Variants in PRICKLE2 observed in about 807,000 individuals in gnomAD.
PRICKLE2 encodes prickle planar cell polarity protein 2, also known as prickle-like protein 2.
In PRICKLE2, 21 loss-of-function variants were observed where a neutral mutation model predicts 81.4. That is an observed-to-expected ratio of 0.26 (90% CI 0.18 to 0.37). The LOEUF (loss-of-function observed/expected upper bound fraction) is 0.37. Ranked by LOEUF, PRICKLE2 falls within the 10% of genes least tolerant of loss-of-function variation. The probability of loss-of-function intolerance (pLI) is 1.00; values close to 1 mark genes in which losing one functional copy is unlikely to be tolerated. For synonymous variants in PRICKLE2, 456 were observed against 421.5 expected (o/e 1.08, Z -1.00); for missense variants, 940 against 1,109.0 (o/e 0.85, Z 2.16).
intron 2 of PRICKLE2, among the ~76,000 whole-genome samples, chr3:64,236,515 T>A (rs2079181714): frequency 6.6e-6 from 1 of 152,202 alleles, no homozygotes; most frequent in South Asian, 2.1e-4. Context: ...AAAAAGAGAA[T>A]GAGGAATGTA....
intron 6 of PRICKLE2, among the ~76,000 whole-genome samples, chr3:64,151,718 A>G (rs906070609): frequency 3.9e-5 from 6 of 152,020 alleles, no homozygotes; most frequent in African/African-American, 1.2e-4. Context: ...ACACTGTCCT[A>G]CCTCTCCCCT....
rs551880617 is a variant in PRICKLE2, at chr3:64,092,475, AG to A, written c.*6575del. 32 of 151,576 alleles carry A rather than the reference AG, an allele frequency of 2.1e-4. No homozygotes were observed. Among genetic ancestry groups the A allele is most frequent in the Admixed American group, 2.0e-3 (30 of 15,262 alleles). 9.4% of individuals were successfully genotyped at this position (151,576 alleles called of 1,614,324 possible). A position where few individuals can be genotyped will look rare whatever the true frequency, so the allele number is the denominator to read the frequency against. The stretch of plus-strand genomic sequence containing the variant: ...CCTAGAACGGTTCCTGGCTAGAGAA[AG>A]CCTTTTGATAAATATTTGTTGAATG... On this transcript the variant is annotated 3_prime_UTR_variant, in exon 8 of 8. Transcript: ENST00000638394.
At position 64,224,929 on chromosome 3, in the gene PRICKLE2, C is replaced by T. The variant is rs1341715719; in HGVS notation, c.-60G>A. 3.0e-6 allele frequency: 3 copies of T among 985,102 alleles called. No homozygotes were observed. In the African/African-American group the frequency reaches 5.3e-5, roughly 17 times the overall value. 61.0% of individuals were successfully genotyped at this position (985,102 alleles called of 1,614,324 possible). A position where few individuals can be genotyped will look rare whatever the true frequency, so the allele number is the denominator to read the frequency against. On this transcript the variant is annotated 5_prime_UTR_variant, in exon 1 of 8. Coordinates refer to ENST00000638394, the MANE Select transcript of PRICKLE2 (RefSeq NM_198859.4). ...ACCCACCTCCAGGGAGGATGAAATG[C>T]CCAGTCTCGGAGGAAGCTTCTGCCA... is the stretch of plus-strand genomic sequence containing the variant.
chr3:64,248,324 A>C (rs2079390628), intron 2 of PRICKLE2, among the ~76,000 whole-genome samples: 1 of 152,214 alleles, frequency 6.6e-6, no homozygotes, highest in Admixed American at 6.5e-5. Flanking sequence ...TAGGCAAAAA[A>C]ACAAAAACTT....
intron 7 of PRICKLE2, among the ~76,000 whole-genome samples, chr3:64,134,732 G>C (rs2077251921): frequency 6.7e-6 from 1 of 149,952 alleles, no homozygotes; most frequent in Admixed American, 6.6e-5. Context: ...TAGTGTTTGT[G>C]TATGAGTGTG....
chr3:64,229,660 T>C (rs1384803181), upstream of PRICKLE2, among the ~76,000 whole-genome samples: 2 of 152,220 alleles, frequency 1.3e-5, no homozygotes, highest in African/African-American at 4.8e-5. Flanking sequence ...CTTCTGGCCC[T>C]GCTATTGGGA....
chr3:64,098,928 C>G lies in PRICKLE2; in HGVS notation c.*123G>C. On this transcript the variant is annotated 3_prime_UTR_variant, in exon 8 of 8. Transcript: ENST00000638394. ...CTGTAACCTTGCCTCCATCTACTGACAGCATTTTCCCTTTTCTCCCCCATA... is the reference window on the plus strand; with the variant it reads ...CTGTAACCTTGCCTCCATCTACTGAGAGCATTTTCCCTTTTCTCCCCCATA... 2.7e-6 allele frequency: 3 copies of G among 1,098,924 alleles called. No homozygotes were observed. The Admixed American group carries it at 5.2e-5, about 19-fold the overall frequency. 68.1% of individuals were successfully genotyped at this position (1,098,924 alleles called of 1,614,324 possible).
At chr3:64,165,863 A>T (rs1174583650) in intron 2 of PRICKLE2, among the ~76,000 whole-genome samples, 1 of 152,170 alleles carries the variant, frequency 6.6e-6, no homozygotes, top group Non-Finnish European at 1.5e-5. Context: ...CAAACCCTGA[A>T]GCCACTTATA....
At chr3:64,130,925 T>C (rs1363287356) in intron 7 of PRICKLE2, among the ~76,000 whole-genome samples, 4 of 152,164 alleles carry the variant, frequency 2.6e-5, no homozygotes, top group African/African-American at 9.7e-5. Context: ...GGGTACCCAA[T>C]CTAATTCTCT....
At chr3:64,171,242 A>G (rs952642553) in intron 2 of PRICKLE2, among the ~76,000 whole-genome samples, 1 of 152,134 alleles carries the variant, frequency 6.6e-6, no homozygotes, top group East Asian at 1.9e-4. Flanking sequence ...TCTATCCCTT[A>G]TCTTCCAACC....
intron 7 of PRICKLE2, among the ~76,000 whole-genome samples, chr3:64,121,209 G>C (rs2077021577): frequency 6.6e-6 from 1 of 152,158 alleles, no homozygotes; most frequent in Admixed American, 6.5e-5. Flanking sequence ...CAGCTCGTGA[G>C]CTAAAGGAAG....
chr3:64,098,970 GC>G lies in PRICKLE2; in HGVS notation c.*80del. On this transcript the variant is annotated 3_prime_UTR_variant, in exon 8 of 8. Transcript: ENST00000638394. ...TCCCCCATAAGCCACCCCCAAAAGC[GC>G]TTTAACATTTAAAACAGTGCAAGTT... 3 of 1,555,216 alleles carry G rather than the reference GC, an allele frequency of 1.9e-6. No homozygotes were observed. The highest frequency in any genetic ancestry group is 2.7e-6 in the Non-Finnish European group (3 of 1,128,702).
intron 2 of PRICKLE2, among the ~76,000 whole-genome samples, chr3:64,171,276 T>C (rs773122754): frequency 7.9e-5 from 12 of 152,172 alleles, no homozygotes; most frequent in Non-Finnish European, 1.3e-4. Context: ...ATGGGGGCAA[T>C]AATACCCCCC....
Position 64,127,493 on chromosome 3 carries a change from AC to A in PRICKLE2, c.1660+19336del, listed in dbSNP as rs375805716. ...ATCCAACCTCATCTGACTCTCATGA[AC>A]CCCCTAAGAGCAGGTATCATCATTC... is the stretch of plus-strand genomic sequence containing the variant. On this transcript the variant is annotated intron_variant, in intron 7 of 7. Transcript: ENST00000638394. Among the ~76,000 whole-genome samples, 18 of 152,138 alleles carry A rather than the reference AC, an allele frequency of 1.2e-4. 1 individual carries two copies. In the South Asian group the frequency reaches 3.3e-3, roughly 28 times the overall value.
intron 2 of PRICKLE2, chr3:64,174,500 A>G (rs1277915571): frequency 1.3e-5 from 2 of 152,416 alleles, no homozygotes; most frequent in Non-Finnish European, 2.9e-5. Context: ...TCTGGGGAAA[A>G]CATGCTTGAC....
chr3:64,224,244 T>C (rs1332846670), intron 1 of PRICKLE2, among the ~76,000 whole-genome samples: 1 of 152,098 alleles, frequency 6.6e-6, no homozygotes, highest in Non-Finnish European at 1.5e-5. Context: ...AACCATGGGA[T>C]TAAAAATCTG....
chr3:64,175,011 C>A (rs544403181), intron 2 of PRICKLE2: 1 of 164,434 alleles, frequency 6.1e-6, no homozygotes, highest in South Asian at 1.6e-4. Flanking sequence ...GTGGAAGACA[C>A]CCTCTGCTTG....
Position 64,266,048 on chromosome 3 carries a change from G to A in PRICKLE2, c.129-67081C>T, listed in dbSNP as rs1454062497. 3.3e-5 allele frequency among the ~76,000 whole-genome samples: 5 copies of A among 152,110 alleles called. 1 individual carries two copies. Among genetic ancestry groups the A allele is most frequent in the African/African-American group, 1.2e-4 (5 of 41,400 alleles). On this transcript the variant is annotated intron_variant, in intron 2 of 8. Transcript: ENST00000295902. ...CTTGAAAGCCTGTGTGAGATTGAGG[G>A]TATCACTGAGGAAAGACTGCCTTGT...
chr3:64,230,722 T>G (rs749972002), intron 2 of PRICKLE2, among the ~76,000 whole-genome samples: 8 of 152,212 alleles, frequency 5.3e-5, no homozygotes, highest in Non-Finnish European at 1.2e-4. Flanking sequence ...AGATGACAGC[T>G]ACCTCACCTC....
Sources: allele counts gnomAD v4.1 joint callset (sites outside exome capture counted in the v4.1 genomes callset), GRCh38; gene constraint gnomAD v4.1.1; transcripts MANE v1.5; gene names NCBI Gene and HGNC (gene_info 2026-07-23, HGNC 2026-07-21).